The following STPG2 variants were observed in gnomAD, a reference collection of about 807,000 sequenced individuals.
STPG2 encodes sperm tail PG-rich repeat containing 2.
STPG2 carries 56 observed loss-of-function variants against 54.2 expected under a neutral mutation model. That is an observed-to-expected ratio of 1.03 (90% CI 0.83 to 1.29). STPG2 has a LOEUF of 1.29. STPG2 is among the 50% of genes most tolerant of loss of function. STPG2 has a pLI of 0.00. For missense variants in STPG2, 596 were observed against 544.9 expected, an observed-to-expected ratio of 1.09 and a Z score of -0.93; for synonymous variants, 200 against 181.8, an observed-to-expected ratio of 1.10 and a Z score of -0.81.
intron 10 of STPG2, among the ~76,000 whole-genome samples, chr4:97,634,936 A>G (rs2148937461): frequency 6.6e-6 from 1 of 152,328 alleles, no homozygotes; most frequent in East Asian, 1.9e-4. Context: ...ATCCAGGAGA[A>G]TTTCCCCAAT....
intron 8 of STPG2, chr4:97,916,241 T>G (rs1241375551): frequency 6.6e-6 from 1 of 152,566 alleles, no homozygotes; most frequent in African/African-American, 2.4e-5. Flanking sequence ...AAACCTGGAT[T>G]AGTAAGGAAA....
chr4:97,523,907 A>G (rs1731229918), intron 4 of STPG2, among the ~76,000 whole-genome samples: 1 of 152,000 alleles, frequency 6.6e-6, no homozygotes. Flanking sequence ...TGAGAGACAC[A>G]AACAGGATTA....
At chr4:97,742,270 C>T (rs1400421549) in intron 9 of STPG2, among the ~76,000 whole-genome samples, 3 of 151,144 alleles carry the variant, frequency 2.0e-5, no homozygotes, top group South Asian at 2.1e-4. Flanking sequence ...TGCTAAATGA[C>T]GAGTTAATGG....
At chr4:98,077,887 A>T (rs550612652) in intron 5 of STPG2, among the ~76,000 whole-genome samples, 9 of 152,290 alleles carry the variant, frequency 5.9e-5, no homozygotes, top group Admixed American at 5.2e-4. Context: ...GGTAGAAAAA[A>T]TATATTGTGC....
At chr4:98,128,325 T>C (rs1422709885) in intron 3 of STPG2, 103 bp downstream of exon 3, 1 of 1,101,788 alleles carries the variant, frequency 9.1e-7, no homozygotes, top group Non-Finnish European at 1.2e-6. Context: ...AACTAAAACG[T>C]GTAATCATTT....
chr4:97,603,638 T>C (rs1300209369), intron 10 of STPG2, among the ~76,000 whole-genome samples: 3 of 151,558 alleles, frequency 2.0e-5, no homozygotes, highest in Non-Finnish European at 4.4e-5. Flanking sequence ...TCGTTATATA[T>C]ATAAAATGCA....
At chr4:97,570,032 GA>G (rs1213489257) in intron 10 of STPG2, among the ~76,000 whole-genome samples, 1 of 151,876 alleles carries the variant, frequency 6.6e-6, no homozygotes, top group Non-Finnish European at 1.5e-5. Context: ...GGAAATACCA[GA>G]AAAACCCAAA....
chr4:97,962,274 T>C (rs1173719811), intron 7 of STPG2, among the ~76,000 whole-genome samples: 2 of 152,032 alleles, frequency 1.3e-5, no homozygotes, highest in East Asian at 3.9e-4. Flanking sequence ...GCTGGGATGA[T>C]GGATGCACCA....
chr4:97,493,030 T>C (rs1256381701), intron 4 of STPG2, among the ~76,000 whole-genome samples: 3 of 150,154 alleles, frequency 2.0e-5, no homozygotes, highest in African/African-American at 7.3e-5. Context: ...TCCCAGGCCT[T>C]AAGAAGGCCT....
intron 4 of STPG2, among the ~76,000 whole-genome samples, chr4:97,475,068 A>G (rs1326899332): frequency 6.6e-6 from 1 of 152,016 alleles, no homozygotes; most frequent in African/African-American, 2.4e-5. Flanking sequence ...AATCTTGCCT[A>G]TGGATAAGAG....
At chr4:97,545,377 CAG>C (rs1442675900) in intron 4 of STPG2, among the ~76,000 whole-genome samples, 3 of 152,090 alleles carry the variant, frequency 2.0e-5, no homozygotes, top group African/African-American at 7.2e-5. Flanking sequence ...CTTCTTCACA[CAG>C]AGTCCCAGGA....
chr4:97,807,283 A>AT (rs1164223003), intron 9 of STPG2, among the ~76,000 whole-genome samples: 2 of 151,782 alleles, frequency 1.3e-5, no homozygotes, highest in African/African-American at 2.4e-5. Flanking sequence ...TTGTTTATGC[A>AT]TTTTTAATCT....
intron 10 of STPG2, among the ~76,000 whole-genome samples, chr4:97,645,285 T>G (rs1578450229): frequency 1.4e-5 from 2 of 147,212 alleles, no homozygotes; most frequent in Non-Finnish European, 3.0e-5. Context: ...CTGACTAGGG[T>G]GAGCAGAAAG....
At chr4:97,775,992 C>T (rs1380542391) in intron 9 of STPG2, among the ~76,000 whole-genome samples, 1 of 152,122 alleles carries the variant, frequency 6.6e-6, no homozygotes, top group Non-Finnish European at 1.5e-5. Context: ...GAACTCCTGA[C>T]CTCACATGAC....
At chr4:97,456,779 C>T (rs1326141065) in intron 4 of STPG2, among the ~76,000 whole-genome samples, 2 of 150,328 alleles carry the variant, frequency 1.3e-5, no homozygotes, top group Admixed American at 6.6e-5. Context: ...GCCTGTAGTC[C>T]GAGCTACTCA....
At chr4:97,478,064 A>G (rs895791137) in intron 4 of STPG2, among the ~76,000 whole-genome samples, 1 of 152,220 alleles carries the variant, frequency 6.6e-6, no homozygotes, top group Non-Finnish European at 1.5e-5. Flanking sequence ...TATGATATAA[A>G]GGATGAAAAC....
chr4:97,518,379 AG>A (rs1213330592), intron 4 of STPG2, among the ~76,000 whole-genome samples: 1 of 152,116 alleles, frequency 6.6e-6, no homozygotes, highest in Non-Finnish European at 1.5e-5. Context: ...ACAGTCACTT[AG>A]AAATGAGGGC....
chr4:97,708,233 T>C (rs13150153), intron 10 of STPG2, among the ~76,000 whole-genome samples: 72,722 of 151,798 alleles, frequency 0.48, 18,272 homozygotes, highest in South Asian at 0.64. Context: ...CATAATCAAA[T>C]GGTTTTTTTG....
chr4:97,532,884 C>A (rs897590083), intron 4 of STPG2, among the ~76,000 whole-genome samples: 1 of 152,054 alleles, frequency 6.6e-6, no homozygotes, highest in African/African-American at 2.4e-5. Context: ...AGCATATTTT[C>A]TTTTCTTTTT....
Sources: gnomAD v4.1 joint callset for allele counts (sites outside exome capture counted in the v4.1 genomes callset) on GRCh38, gnomAD v4.1.1 for gene constraint, MANE v1.5 for transcripts, NCBI Gene and HGNC (gene_info 2026-07-23, HGNC 2026-07-21) for gene names.